Variants in KIF7 observed in about 807,000 individuals in gnomAD.
The protein encoded by KIF7 is kinesin family member 7.
KIF7 carries 104 observed loss-of-function variants against 135.7 expected under a neutral mutation model. The observed-to-expected ratio is 0.77, with a 90% confidence interval of 0.65 to 0.90. The LOEUF (loss-of-function observed/expected upper bound fraction) is 0.90. KIF7 is among the 40% of genes least tolerant of loss of function. The pLI, the probability that KIF7 is intolerant of heterozygous loss-of-function variation, is 0.00. For missense variants in KIF7, 2,005 were observed against 1,839.1 expected (o/e 1.09, Z -1.65); for synonymous variants, 883 against 809.4 (o/e 1.09, Z -1.54).
downstream of KIF7, chr15:89,624,016 C>A (rs762322036): frequency 6.2e-7 from 1 of 1,614,036 alleles, no homozygotes; most frequent in Non-Finnish European, 8.5e-7. Context: ...GACTGCCCAG[C>A]CCAGGAGAGA....
chr15:89,628,637 G>A lies in KIF7; in HGVS notation c.3814C>T (p.Pro1272Ser). 3 of 1,613,226 alleles carry A rather than the reference G, an allele frequency of 1.9e-6. No homozygotes were observed. The highest frequency in any genetic ancestry group is 2.5e-6 in the Non-Finnish European group (3 of 1,179,976). The change falls in exon 19 of 19, where the codon CCG (proline) becomes TCG (serine). Residue 1272 changes from proline (P) to serine (S), a missense_variant. Physicochemically the swap from Pro to Ser is moderately conservative, Grantham distance 74 (BLOSUM62 -1). Transcript: ENST00000394412. ...REETRDLVHA[P>S]LPLTWKRSSL... Reference sequence around the variant, plus strand: ...GAGCGTTTCCAGGTCAAGGGTAACGGAGCGTGGACCAAGTCCCGCGTCTCC... The same window carrying A: ...GAGCGTTTCCAGGTCAAGGGTAACGAAGCGTGGACCAAGTCCCGCGTCTCC...
intron 11 of KIF7, among the ~76,000 whole-genome samples, chr15:89,641,044 G>A (rs544765198): frequency 6.6e-6 from 1 of 152,080 alleles, no homozygotes; most frequent in South Asian, 2.1e-4. Context: ...GACCGTGATG[G>A]GCTGAATTGT....
chr15:89,660,120 C>T (rs1414672811), upstream of KIF7, among the ~76,000 whole-genome samples: 12 of 152,188 alleles, frequency 7.9e-5, no homozygotes, highest in Admixed American at 7.2e-4. Context: ...ATCGCTTCAA[C>T]CTGGGAGGTG....
At chr15:89,624,893 C>T, downstream of KIF7, 1 of 1,614,104 alleles carries the variant, frequency 6.2e-7, no homozygotes, top group Non-Finnish European at 8.5e-7. Flanking sequence ...GTGCACTGTA[C>T]CACAGATGGG....
chr15:89,654,855 C>A (rs1964183045), intron 1 of KIF7, among the ~76,000 whole-genome samples: 1 of 152,260 alleles, frequency 6.6e-6, no homozygotes, highest in Non-Finnish European at 1.5e-5. Context: ...AATCACCCAG[C>A]CCCTATTGGG....
chr15:89,625,031 G>A (rs748669288), downstream of KIF7: 17 of 1,614,024 alleles, frequency 1.1e-5, no homozygotes, highest in Admixed American at 3.3e-5. Context: ...CCCAAACTTC[G>A]AATTAAGAAG....
rs1567059487 is a variant in KIF7, at chr15:89,633,006, AGTAG to A, written c.2719-14_2719-11del. ...TCTGCTCCTCAATCTTCTAAGGAAA[AGTAG>A]GGAGGGAGGGAGGGAACTCAGGGCC... On this transcript the variant is annotated splice_polypyrimidine_tract_variant and intron_variant, in intron 13 of 18. Transcript: ENST00000394412. 1.8e-5 allele frequency: 6 copies of A among 339,426 alleles called. No individual in the cohort carries two copies. Among genetic ancestry groups the A allele is most frequent in the Non-Finnish European group, 3.2e-5 (6 of 186,258 alleles). The allele number at this position is 339,426 out of a possible 1,614,324, so 21.0% of individuals were successfully genotyped here. A position where few individuals can be genotyped will look rare whatever the true frequency, so the allele number is the denominator to read the frequency against.
chr15:89,642,469 C>A, intron 10 of KIF7, 64 bp from the exon 11 acceptor site: 2 of 1,463,542 alleles, frequency 1.4e-6, no homozygotes, highest in South Asian at 1.2e-5. Context: ...AGCTGTTTGT[C>A]CCCCTGGGAG....
At chr15:89,644,701 A>G (rs1015521205) in intron 10 of KIF7, among the ~76,000 whole-genome samples, 10 of 152,176 alleles carry the variant, frequency 6.6e-5, no homozygotes, top group African/African-American at 1.9e-4. Flanking sequence ...GAAAAAGAAG[A>G]AAAAAGAAGT....
downstream of KIF7, chr15:89,623,831 C>T (rs905861661): frequency 6.2e-7 from 1 of 1,613,986 alleles, no homozygotes; most frequent in South Asian, 1.1e-5. Context: ...TCAAAAATCA[C>T]TCCTCAAAAA....
At chr15:89,661,770 G>A in the KIF7 span, among the ~76,000 whole-genome samples, 2 of 151,376 alleles carry the variant, frequency 1.3e-5, no homozygotes, top group African/African-American at 2.4e-5. Flanking sequence ...TGCCCAGGCT[G>A]GAGTGCAATG....
chr15:89,648,502 G>A lies in KIF7; in HGVS notation c.1196C>T (p.Ala399Val). The change falls in exon 5 of 19, where the codon GCG becomes GTG. Residue 399 changes from alanine (A) to valine (V), a missense_variant. By Grantham distance (64) the Ala-to-Val change is moderately conservative. Transcript: ENST00000394412. ...RRAPGPATAS[A>V]AAAMRLGAEC... ...GGCGCCCAGGCGCATGGCGGCCGCC[G>A]CGGAGGCGGTGGCTGGGCCTGGGGC... is the stretch of plus-strand genomic sequence containing the variant. The A allele has an allele frequency of 9.5e-7, 1 of 1,050,958 alleles. No individual in the cohort carries two copies. The highest frequency in any genetic ancestry group is 4.3e-5 in the South Asian group (1 of 23,252). The allele number at this position is 1,050,958 out of a possible 1,614,324, so 65.1% of individuals were successfully genotyped here.
chr15:89,627,264 C>T (rs188344261), downstream of KIF7: 4 of 729,240 alleles, frequency 5.5e-6, no homozygotes, highest in Admixed American at 6.0e-5. Context: ...GGCCCTGCCC[C>T]TTGTTGGGGA....
chr15:89,618,257 A>T, intron 1 of KIF7: 1 of 1,557,616 alleles, frequency 6.4e-7, no homozygotes, highest in Non-Finnish European at 8.9e-7. Flanking sequence ...CCCAGCTTCT[A>T]TGAAAACCTT....
Position 89,652,780 on chromosome 15 carries a change from G to C in KIF7, c.151C>G (p.Arg51Gly). The stretch of plus-strand genomic sequence containing the variant: ...ACGTGGAAGCCAAAGTGTCGGTCAC[G>C]GCCCAGAGTGACGCGGCCAAGCCCT... The part of the protein sequence containing the change: ...EPGLGRVTLG[R>G]DRHFGFHVVL... Residue 51 changes from arginine to glycine, a missense_variant, in exon 2 of 19, where the codon CGT (arginine) becomes GGT (glycine). Arg to Gly is a moderately radical substitution (Grantham distance 125). Coordinates refer to ENST00000394412, the MANE Select transcript of KIF7 (RefSeq NM_198525.3). The C allele has an allele frequency of 1.3e-6, 2 of 1,551,476 alleles. No homozygotes were observed. Among genetic ancestry groups the C allele is most frequent in the Non-Finnish European group, 8.7e-7 (1 of 1,146,966 alleles).
intron 11 of KIF7, among the ~76,000 whole-genome samples, chr15:89,634,739 G>C (rs187276835): frequency 6.6e-6 from 1 of 152,192 alleles, no homozygotes; most frequent in Admixed American, 6.5e-5. Flanking sequence ...AGGTGGCAGC[G>C]AGGCTGGGGG....
At position 89,633,168 on chromosome 15, in the gene KIF7, G is replaced by C. The variant is rs780645813; in HGVS notation, c.2691C>G (p.Gly897=). Reference sequence around the variant, plus strand: ...GCTGCTGTTCCAGGCTGACCACAGAGCCGTTGCTGCCACTGCGCCTCTTCC... The same window carrying C: ...GCTGCTGTTCCAGGCTGACCACAGACCCGTTGCTGCCACTGCGCCTCTTCC... ...FQRKRRSGSN[G]SVVSLEQQQK... The change falls in exon 13 of 19, where the codon GGC becomes GGG. Residue 897 remains glycine (G), a synonymous_variant. Coordinates refer to ENST00000394412, the MANE Select transcript of KIF7 (RefSeq NM_198525.3). The C allele has an allele frequency of 1.9e-6, 3 of 1,603,706 alleles. No homozygotes were observed. Among genetic ancestry groups the C allele is most frequent in the Non-Finnish European group, 2.5e-6 (3 of 1,179,522 alleles).
At chr15:89,656,473 A>G (rs1227982938), upstream of KIF7, among the ~76,000 whole-genome samples, 1 of 151,850 alleles carries the variant, frequency 6.6e-6, no homozygotes, top group Non-Finnish European at 1.5e-5. Context: ...TTTCCTTCCC[A>G]TTCCATGTAC....
chr15:89,644,898 GC>G (rs1963983168), intron 10 of KIF7, 114 bp downstream of exon 10: 6 of 1,393,720 alleles, frequency 4.3e-6, no homozygotes, highest in Middle Eastern at 1.8e-4. Context: ...TCAAACCTAG[GC>G]CATCCGGCCC....
Sources: allele counts gnomAD v4.1 joint callset (sites outside exome capture counted in the v4.1 genomes callset), GRCh38; gene constraint gnomAD v4.1.1; transcripts MANE v1.5; gene names NCBI Gene and HGNC (gene_info 2026-07-23, HGNC 2026-07-21).